The following CIB3 variants were observed in gnomAD, a reference collection of about 807,000 sequenced individuals.
CIB3 encodes the protein calcium and integrin-binding family member 3.
Under a neutral mutation model 23.4 loss-of-function variants are expected in CIB3, and 22 were observed. That is an observed-to-expected ratio of 0.94 (90% CI 0.67 to 1.34). The LOEUF is 1.34. CIB3 is among the 40% of genes most tolerant of loss of function. The pLI, the probability that CIB3 is intolerant of heterozygous loss-of-function variation, is 0.00. For missense variants in CIB3, 258 were observed against 247.3 expected, an observed-to-expected ratio of 1.04 and a Z score of -0.29; for synonymous variants, 93 against 95.8, an observed-to-expected ratio of 0.97 and a Z score of 0.17.
In CIB3 at chr19:16,168,284, C is replaced by G. The variant is rs749515974; in HGVS notation, c.199G>C (p.Asp67His). The G allele has an allele frequency of 1.2e-6, 2 of 1,613,652 alleles. No individual in the cohort carries two copies. The highest frequency in any genetic ancestry group is 8.5e-7 in the Non-Finnish European group (1 of 1,179,854). The change falls in exon 4 of 6, where the codon GAC (aspartate) becomes CAC (histidine). Residue 67 changes from aspartate (D) to histidine (H), a missense_variant and splice_region_variant. Physicochemically the swap from Asp to His is moderately conservative, Grantham distance 81. Transcript: ENST00000269878. ...GCAATCCTCTGGCGGAAGGGGTTGT[C>G]CTGGGGACAGAAAGGAAGCTGGGAG... Reference protein sequence around the residue: ...ELIGSMPELKDNPFRQRIAQV... With the variant: ...ELIGSMPELKHNPFRQRIAQV...
chr19:16,165,607 C>G (rs937059812), intron 4 of CIB3, among the ~76,000 whole-genome samples: 2 of 151,962 alleles, frequency 1.3e-5, no homozygotes, highest in East Asian at 3.9e-4. Context: ...CCATGCCCGG[C>G]TAATTTTTGT....
At chr19:16,171,229 C>G (rs1007110764) in intron 2 of CIB3, among the ~76,000 whole-genome samples, 1 of 151,948 alleles carries the variant, frequency 6.6e-6, no homozygotes, top group Non-Finnish European at 1.5e-5. Flanking sequence ...TGGGGCAGAG[C>G]AGAGACAAAC....
rs748300871 is a variant in CIB3 at position 16,168,290 on chromosome 19, G to A, written c.199-6C>T. The A allele has an allele frequency of 6.2e-7, 1 of 1,613,504 alleles. No individual in the cohort carries two copies. The highest frequency in any genetic ancestry group is 1.7e-5 in the Admixed American group (1 of 59,938). On this transcript the variant is annotated splice_region_variant and splice_polypyrimidine_tract_variant and intron_variant, in intron 3 of 5. Transcript: ENST00000269878. Reference sequence around the variant, plus strand: ...CTCTGGCGGAAGGGGTTGTCCTGGGGACAGAAAGGAAGCTGGGAGGCCATC... The same window carrying A: ...CTCTGGCGGAAGGGGTTGTCCTGGGAACAGAAAGGAAGCTGGGAGGCCATC...
At chr19:16,165,023 G>T in intron 4 of CIB3, 110 bp from the exon 5 acceptor site, 5 of 921,074 alleles carry the variant, frequency 5.4e-6, no homozygotes, top group Non-Finnish European at 8.6e-6. Flanking sequence ...GTCGGGCACG[G>T]TGGCTCACGC....
intron 4 of CIB3, among the ~76,000 whole-genome samples, chr19:16,165,605 G>A (rs926956870): frequency 4.6e-5 from 7 of 151,904 alleles, no homozygotes; most frequent in South Asian, 2.1e-4. Flanking sequence ...CACCATGCCC[G>A]GCTAATTTTT....
At chr19:16,168,747 G>A (rs533933182) in intron 3 of CIB3, among the ~76,000 whole-genome samples, 72 of 152,182 alleles carry the variant, frequency 4.7e-4, no homozygotes, top group Middle Eastern at 6.8e-3. Flanking sequence ...CCTCTTCCTG[G>A]GAGGAGCCGA....
chr19:16,170,403 A>G (rs1412925685), intron 2 of CIB3, among the ~76,000 whole-genome samples: 1 of 152,216 alleles, frequency 6.6e-6, no homozygotes, highest in Non-Finnish European at 1.5e-5. Flanking sequence ...GCTTATGGCC[A>G]GATCACAGCA....
intron 4 of CIB3, among the ~76,000 whole-genome samples, chr19:16,165,446 C>CT (rs71178646): frequency 1.3e-5 from 2 of 149,818 alleles, no homozygotes; most frequent in Non-Finnish European, 3.0e-5. Flanking sequence ...TTCATTCGTT[C>CT]TTTTTTTTTT....
chr19:16,168,390 C>A, intron 3 of CIB3, 106 bp from the exon 4 acceptor site: 1 of 1,451,914 alleles, frequency 6.9e-7, no homozygotes. Flanking sequence ...TCCAAGTACC[C>A]TCCATCAAGA....
chr19:16,172,784 C>T (rs1037829038), intron 2 of CIB3, among the ~76,000 whole-genome samples: 2 of 151,704 alleles, frequency 1.3e-5, no homozygotes, highest in African/African-American at 4.8e-5. Context: ...AGCCCCATCT[C>T]TATAAAAAAA....
In CIB3 at chr19:16,169,544, G is replaced by T; in HGVS notation, c.198+86C>A. On this transcript the variant is annotated intron_variant, in intron 3 of 5. Transcript: ENST00000269878. ...TCAGTTTTCTTATCTTTAAAATGGG[G>T]ATAACTGCAGCACTGACCTCAGAGG... The T allele has an allele frequency of 4.2e-6, 5 of 1,187,996 alleles. No homozygotes were observed. The South Asian group carries it at 5.2e-5, about 12-fold the overall frequency. 73.6% of individuals were successfully genotyped at this position (1,187,996 alleles called of 1,614,324 possible).
Position 16,173,509 on chromosome 19 carries a change from C to T in CIB3, c.-34G>A, listed in dbSNP as rs2091339484. The T allele has an allele frequency of 8.1e-6, 13 of 1,595,882 alleles. No homozygotes were observed. Among genetic ancestry groups the T allele is most frequent in the Non-Finnish European group, 1.0e-5 (12 of 1,163,538 alleles). ...CCACAGCCCAGACTTGGGGATGCAC[C>T]CCAAAGGCTCCCAGCTTCCTCGGGG... On this transcript the variant is annotated 5_prime_UTR_variant, in exon 1 of 6. Coordinates refer to ENST00000269878, the MANE Select transcript of CIB3 (RefSeq NM_054113.4).
At chr19:16,169,519 T>C in intron 3 of CIB3, 111 bp downstream of exon 3, 1 of 963,116 alleles carries the variant, frequency 1.0e-6, no homozygotes, top group East Asian at 2.8e-5. Context: ...TCTCTGAGTC[T>C]CAGTTTTCTT....
Position 16,168,216 on chromosome 19 carries a change from G to T in CIB3, c.267C>A (p.Asp89Glu), listed in dbSNP as rs2091313638. 6.2e-7 allele frequency: 1 copy of T among 1,613,438 alleles called. No individual in the cohort carries two copies. Among genetic ancestry groups the T allele is most frequent in the Non-Finnish European group, 8.5e-7 (1 of 1,179,836 alleles). ...TCACGGAAAACATGTCCAAAAAGTTGTCCAGGGTCATGTGGCCATCCCCAT... is the reference window on the plus strand; with the variant it reads ...TCACGGAAAACATGTCCAAAAAGTTTTCCAGGGTCATGTGGCCATCCCCAT... The part of the protein sequence containing the change: ...SEDGDGHMTL[D>E]NFLDMFSVMS... The change falls in exon 4 of 6, where the codon GAC (aspartate) becomes GAA (glutamate). Residue 89 changes from aspartate to glutamate, a missense_variant. Coordinates refer to ENST00000269878, the MANE Select transcript of CIB3 (RefSeq NM_054113.4).
At chr19:16,161,520 A>G (rs2091284782) in intron 5 of CIB3, 34 bp from the exon 6 acceptor site, 1 of 1,613,184 alleles carries the variant, frequency 6.2e-7, no homozygotes, top group Non-Finnish European at 8.5e-7. Flanking sequence ...CAAGGCCTTC[A>G]AGGAGTGGAC....
At chr19:16,169,231 C>A (rs375901781) in intron 3 of CIB3, among the ~76,000 whole-genome samples, 1 of 152,150 alleles carries the variant, frequency 6.6e-6, no homozygotes, top group African/African-American at 2.4e-5. Flanking sequence ...GCAACCTCCA[C>A]CTCCTGAGTT....
chr19:16,173,058 A>G, intron 2 of CIB3, 104 bp downstream of exon 2: 1 of 1,296,860 alleles, frequency 7.7e-7, no homozygotes, highest in Non-Finnish European at 1.1e-6. Flanking sequence ...ACACACACAC[A>G]CACACACACA....
At chr19:16,171,671 A>T (rs1430266883) in intron 2 of CIB3, among the ~76,000 whole-genome samples, 1 of 152,104 alleles carries the variant, frequency 6.6e-6, no homozygotes, top group African/African-American at 2.4e-5. Flanking sequence ...GGACAGACAA[A>T]ATGTCTGTCC....
At chr19:16,166,788 G>A (rs571722042) in intron 4 of CIB3, among the ~76,000 whole-genome samples, 126 of 152,206 alleles carry the variant, frequency 8.3e-4, no homozygotes, top group Admixed American at 2.2e-3. Context: ...CACTCAAAAA[G>A]TATTATGGTG....
Sources: gnomAD v4.1 joint callset for allele counts (sites outside exome capture counted in the v4.1 genomes callset) on GRCh38, gnomAD v4.1.1 for gene constraint, MANE v1.5 for transcripts, NCBI Gene and HGNC (gene_info 2026-07-23, HGNC 2026-07-21) for gene names.